SCEL: variants seen among roughly 807,000 people sequenced by gnomAD.
The protein encoded by SCEL is sciellin.
Under a neutral mutation model 117.6 loss-of-function variants are expected in SCEL, and 113 were observed. The ratio of observed to expected loss-of-function variants is 0.96; its 90% CI spans 0.83 to 1.12. The LOEUF is 1.12. Among genes scored for constraint, SCEL ranks in the 50% most tolerant of loss-of-function variants. The probability of loss-of-function intolerance (pLI) is 0.00; values close to 1 mark genes in which losing one functional copy is unlikely to be tolerated. For missense variants in SCEL, 785 were observed against 810.8 expected, an observed-to-expected ratio of 0.97 and a Z score of 0.39; for synonymous variants, 270 against 256.2, an observed-to-expected ratio of 1.05 and a Z score of -0.51.
At chr13:77,569,541 C>A in intron 8 of SCEL, 90 bp downstream of exon 8, 2 of 903,542 alleles carry the variant, frequency 2.2e-6, no homozygotes, top group South Asian at 1.6e-5. Context: ...GGGGATCCAG[C>A]ATCTACATTC....
chr13:77,554,161 C>T (rs764576255), intron 1 of SCEL, among the ~76,000 whole-genome samples: 6 of 152,160 alleles, frequency 3.9e-5, no homozygotes, highest in Admixed American at 3.9e-4. Context: ...GATGTGCTCT[C>T]TGCTGGTTGA....
chr13:77,556,869 T>C (rs921364861), intron 3 of SCEL, among the ~76,000 whole-genome samples, 156 bp downstream of exon 3: 1 of 152,156 alleles, frequency 6.6e-6, no homozygotes, highest in South Asian at 2.1e-4. Context: ...CACAAATAGG[T>C]TACATATCAG....
intron 12 of SCEL, among the ~76,000 whole-genome samples, chr13:77,596,451 A>G (rs948343239): frequency 6.6e-6 from 1 of 152,204 alleles, no homozygotes; most frequent in Non-Finnish European, 1.5e-5. Context: ...CATTGTGCTA[A>G]ATACTTTATA....
chr13:77,640,680 GT>G lies in SCEL; in HGVS notation c.1844del (p.Val615AlafsTer16). On this transcript the variant is annotated frameshift_variant, in exon 31 of 33. Coordinates refer to ENST00000349847, the MANE Select transcript of SCEL (RefSeq NM_144777.3). LOFTEE classifies it high-confidence loss of function. ...TAATTGCTTACATTTCTATAGGTCT[GT>G]CATTGAAAGAGATATGTGCACTTAC... is the stretch of plus-strand genomic sequence containing the variant. Reference protein sequence around the residue: ...QTVYSTSDRSVIERDMCTYCR... With the variant: ...QTVYSTSDRSXIERDMCTYCR... The G allele has an allele frequency of 1.3e-6, 2 of 1,555,856 alleles. No individual in the cohort carries two copies. Among genetic ancestry groups the G allele is most frequent in the Non-Finnish European group, 1.8e-6 (2 of 1,136,894 alleles).
intron 4 of SCEL, 34 bp downstream of exon 4, chr13:77,559,897 A>C (rs766933041): frequency 6.4e-7 from 1 of 1,564,686 alleles, no homozygotes; most frequent in Non-Finnish European, 8.8e-7. Context: ...CATGAGCAGA[A>C]ACACAAAGAT....
At chr13:77,545,076 C>A (rs1754620350) in intron 1 of SCEL, among the ~76,000 whole-genome samples, 1 of 152,136 alleles carries the variant, frequency 6.6e-6, no homozygotes, top group Admixed American at 6.5e-5. Flanking sequence ...TTTCTACTTC[C>A]CAGCATAAGA....
chr13:77,606,606 G>C (rs1056198731), intron 19 of SCEL: 5 of 152,188 alleles, frequency 3.3e-5, no homozygotes, highest in Non-Finnish European at 7.3e-5. Context: ...ATCTGGAGTA[G>C]AGTGATTGCT....
chr13:77,616,249 T>C (rs1397969577), intron 24 of SCEL, among the ~76,000 whole-genome samples: 1 of 152,060 alleles, frequency 6.6e-6, no homozygotes, highest in African/African-American at 2.4e-5. Context: ...ATATTATCTG[T>C]GGTTACACTA....
At chr13:77,602,353 G>A (rs1040331531) in intron 16 of SCEL, 16 of 489,772 alleles carry the variant, frequency 3.3e-5, no homozygotes, top group Admixed American at 1.5e-4. Context: ...CTCTTATTCC[G>A]TATTTTCTTA....
chr13:77,583,786 T>TA (rs961773261), intron 9 of SCEL, among the ~76,000 whole-genome samples: 1 of 152,184 alleles, frequency 6.6e-6, no homozygotes, highest in African/African-American at 2.4e-5. Flanking sequence ...GCTGCAGTAA[T>TA]AGACATGTTC....
intron 5 of SCEL, among the ~76,000 whole-genome samples, chr13:77,566,377 A>G (rs1447127977): frequency 6.6e-6 from 1 of 152,154 alleles, no homozygotes; most frequent in Admixed American, 6.6e-5. Context: ...AAACATATCA[A>G]ATGACCAGCA....
rs190625697 is a variant in SCEL at position 77,633,089 on chromosome 13, C to T, written c.1692-1290C>T. 1.2e-4 allele frequency among the ~76,000 whole-genome samples: 19 copies of T among 152,304 alleles called. No individual in the cohort carries two copies. The South Asian group carries it at 2.1e-3, about 17-fold the overall frequency. ...TTCTTAAAGGTAAGGCAGAGGTTTC[C>T]GTAGAGGGAGTAAAATAGCACATGC... On this transcript the variant is annotated intron_variant, in intron 28 of 32. Coordinates refer to ENST00000349847, the MANE Select transcript of SCEL (RefSeq NM_144777.3).
At chr13:77,561,555 A>G (rs1438008607) in intron 4 of SCEL, among the ~76,000 whole-genome samples, 1 of 152,174 alleles carries the variant, frequency 6.6e-6, no homozygotes, top group Non-Finnish European at 1.5e-5. Context: ...TCTGCAGAGG[A>G]TGTCTTTACC....
intron 19 of SCEL, among the ~76,000 whole-genome samples, chr13:77,607,360 C>T (rs541126703): frequency 5.3e-5 from 8 of 152,256 alleles, no homozygotes; most frequent in South Asian, 2.1e-4. Context: ...CAGAGTGTTG[C>T]GCTTTATATT....
intron 8 of SCEL, among the ~76,000 whole-genome samples, chr13:77,571,426 T>C (rs1318867313): frequency 1.4e-5 from 2 of 144,162 alleles, no homozygotes; most frequent in Non-Finnish European, 3.0e-5. Flanking sequence ...CAGTGGCTCA[T>C]GCCTGTAATC....
At chr13:77,555,522 C>T (rs912920555) in intron 1 of SCEL, among the ~76,000 whole-genome samples, 1 of 152,176 alleles carries the variant, frequency 6.6e-6, no homozygotes, top group Non-Finnish European at 1.5e-5. Context: ...TTTCTGTCCC[C>T]AGCACCAGGC....
chr13:77,562,132 C>A (rs201578276), intron 4 of SCEL, among the ~76,000 whole-genome samples: 2 of 152,064 alleles, frequency 1.3e-5, no homozygotes, highest in African/African-American at 2.4e-5. Context: ...GAGCTGCAAA[C>A]AAAACAAAGT....
Position 77,569,376 on chromosome 13 carries a change from C to T in SCEL, c.404C>T (p.Pro135Leu). 1.2e-6 allele frequency: 2 copies of T among 1,613,538 alleles called. No individual in the cohort carries two copies. The highest frequency in any genetic ancestry group is 1.7e-5 in the Admixed American group (1 of 60,012). Residue 135 changes from proline (P) to leucine (L), a missense_variant, in exon 8 of 33, where the codon CCT (proline) becomes CTT (leucine). Transcript: ENST00000349847. Reference protein sequence around the residue: ...FRSLEVTKLQPGGSLNANTSN... With the variant: ...FRSLEVTKLQLGGSLNANTSN... ...TTGTTCTTGTCATTAAACAGGCAAC[C>T]TGGCGGTTCATTGAATGCCAACACC...
Position 77,642,785 on chromosome 13 carries a change from A to C in SCEL, c.2027A>C (p.Glu676Ala). 1 of 1,598,180 alleles carries C rather than the reference A, an allele frequency of 6.3e-7. No homozygotes were observed. The highest frequency in any genetic ancestry group is 1.3e-5 in the African/African-American group (1 of 74,632). Residue 676 changes from glutamate to alanine, a missense_variant, in exon 32 of 33, where the codon GAA (glutamate) becomes GCA (alanine). Coordinates refer to ENST00000349847, the MANE Select transcript of SCEL (RefSeq NM_144777.3). ...ATTTATAGACAGACAATACACTGTG[A>C]ACCTTGCTACTCTAAAATTATGGGT... is the stretch of plus-strand genomic sequence containing the variant. ...IWIYRQTIHC[E>A]PCYSKIMAKW...
Sources: allele counts gnomAD v4.1 joint callset (sites outside exome capture counted in the v4.1 genomes callset), GRCh38; gene constraint gnomAD v4.1.1; transcripts MANE v1.5; gene names NCBI Gene and HGNC (gene_info 2026-07-23, HGNC 2026-07-21).